The following AADAT variants were observed in gnomAD, a reference collection of about 807,000 sequenced individuals.
The protein encoded by AADAT is aminoadipate aminotransferase, also known as kynurenine/alpha-aminoadipate aminotransferase, mitochondrial.
Under a neutral mutation model 56.2 loss-of-function variants are expected in AADAT, and 25 were observed. That is an observed-to-expected ratio of 0.44 (90% CI 0.32 to 0.62). AADAT has a LOEUF of 0.62. Among genes scored for constraint, AADAT ranks in the 20% least tolerant of loss-of-function variants. The pLI, the probability that AADAT is intolerant of heterozygous loss-of-function variation, is 0.04. For missense variants in AADAT, 387 were observed against 510.5 expected (o/e 0.76, Z 2.33); for synonymous variants, 173 against 164.7 (o/e 1.05, Z -0.39).
At chr4:170,093,836 A>T (rs1049110144), upstream of AADAT, among the ~76,000 whole-genome samples, 1 of 152,218 alleles carries the variant, frequency 6.6e-6, no homozygotes, top group African/African-American at 2.4e-5. Flanking sequence ...GGCTTCAAGT[A>T]GTCCTCCCAC....
chr4:170,069,216 T>C lies in AADAT; in HGVS notation c.735A>G (p.Thr245=). ...FLQFNKFRVP[T]FLSMDVDGRV... ...GTCCATCAACATCCATGGAAAGAAA[T>C]GTTGGTACCCTGAACTTAAAATGAA... The change falls in exon 7 of 13, where the codon ACA becomes ACG. Residue 245 remains threonine, a synonymous_variant. Transcript: ENST00000337664. The C allele has an allele frequency of 6.2e-7, 1 of 1,613,846 alleles. No individual in the cohort carries two copies. The highest frequency in any genetic ancestry group is 1.1e-5 in the South Asian group (1 of 91,038).
intron 8 of AADAT, 34 bp downstream of exon 8, chr4:170,068,557 C>CAA (rs3214945): frequency 0.091 from 120,290 of 1,327,942 alleles, 1,968 homozygotes; most frequent in Non-Finnish European, 0.1. Flanking sequence ...AATCTGATTA[C>CAA]AAAAAAAAAA....
Position 170,089,908 on chromosome 4 carries a change from T to C in AADAT, c.-218A>G. 1 of 515,918 alleles carries C rather than the reference T, an allele frequency of 1.9e-6. No individual in the cohort carries two copies. Among genetic ancestry groups the C allele is most frequent in the Non-Finnish European group, 3.4e-6 (1 of 292,244 alleles). The allele number at this position is 515,918 out of a possible 1,614,324, so 32.0% of individuals were successfully genotyped here. On this transcript the variant is annotated 5_prime_UTR_variant, in exon 1 of 13. Coordinates refer to ENST00000337664, the MANE Select transcript of AADAT (RefSeq NM_016228.4). The stretch of plus-strand genomic sequence containing the variant: ...GTTCGGTCTCCCGGTCCTAAACGGG[T>C]CTGGGGCTGTGTGGCGAGCCCGGCA...
At chr4:170,063,878 A>C (rs981188721) in intron 11 of AADAT, among the ~76,000 whole-genome samples, 1 of 152,232 alleles carries the variant, frequency 6.6e-6, no homozygotes, top group East Asian at 1.9e-4. Context: ...AAAGCTACAC[A>C]GAAAAATATT....
At chr4:170,076,641 A>C (rs1157162610) in intron 4 of AADAT, among the ~76,000 whole-genome samples, 1 of 152,166 alleles carries the variant, frequency 6.6e-6, no homozygotes, top group Admixed American at 6.5e-5. Context: ...ATATATTATG[A>C]TAAATATTTT....
In AADAT at chr4:170,073,130, C is replaced by T. The variant is rs776496234; in HGVS notation, c.654+6G>A. 31 of 1,613,430 alleles carry T rather than the reference C, an allele frequency of 1.9e-5. No individual in the cohort carries two copies. The highest frequency in any genetic ancestry group is 2.6e-5 in the Non-Finnish European group (31 of 1,179,682). The stretch of plus-strand genomic sequence containing the variant: ...ACAACTACTTTAACCCATTCTTCTA[C>T]AATACCTCATAGATTTCCTTTTTGC... On this transcript the variant is annotated splice_donor_region_variant and intron_variant, in intron 5 of 12. Coordinates refer to ENST00000337664, the MANE Select transcript of AADAT (RefSeq NM_016228.4).
chr4:170,067,377 T>G lies in AADAT; in HGVS notation c.912A>C (p.Ser304=). 1.2e-6 allele frequency: 2 copies of G among 1,613,374 alleles called. No individual in the cohort carries two copies. The highest frequency in any genetic ancestry group is 1.7e-6 in the Non-Finnish European group (2 of 1,179,552). ...CTTCTCCCCATTCGTGTAGAAGCTGTGATATCATGAGCTAAAAGAGATAAA... is the reference window on the plus strand; with the variant it reads ...CTTCTCCCCATTCGTGTAGAAGCTGGGATATCATGAGCTAAAAGAGATAAA... The part of the protein sequence containing the change: ...HPSTFNQLMI[S]QLLHEWGEEG... The change falls in exon 9 of 13, where the codon TCA becomes TCC. Residue 304 remains serine (S), a synonymous_variant. Coordinates refer to ENST00000337664, the MANE Select transcript of AADAT (RefSeq NM_016228.4).
At chr4:170,081,547 T>C (rs777027100) in intron 3 of AADAT, among the ~76,000 whole-genome samples, 4 of 152,034 alleles carry the variant, frequency 2.6e-5, no homozygotes, top group Non-Finnish European at 4.4e-5. Context: ...AGAGAAGATA[T>C]GAGAAGCAAC....
At chr4:170,065,182 AGGATTCTTCCATTATTTGT>A (rs1451131451) in intron 10 of AADAT, among the ~76,000 whole-genome samples, 4 of 152,238 alleles carry the variant, frequency 2.6e-5, no homozygotes, top group Admixed American at 6.5e-5. Flanking sequence ...AATTTAGAAG[AGGATTCTTCCATTATTTGT>A]GGATTCTTCC....
chr4:170,087,538 C>A (rs76670717), intron 2 of AADAT, among the ~76,000 whole-genome samples: 10,227 of 152,170 alleles, frequency 0.067, 474 homozygotes, highest in Non-Finnish European at 0.1. Context: ...AAGTCTTTAG[C>A]GCATGCGTTG....
chr4:170,061,099 T>A, intron 12 of AADAT, 130 bp from the exon 13 acceptor site: 1 of 549,848 alleles, frequency 1.8e-6, no homozygotes, highest in Non-Finnish European at 3.0e-6. Flanking sequence ...AAGTCAAGTT[T>A]AACATCAACT....
intron 3 of AADAT, among the ~76,000 whole-genome samples, chr4:170,084,823 G>T (rs927040404): frequency 6.6e-6 from 1 of 152,190 alleles, no homozygotes; most frequent in East Asian, 1.9e-4. Context: ...AGGACCAAAG[G>T]AATCACTTGG....
chr4:170,066,389 G>A (rs774697043), intron 10 of AADAT, 25 bp downstream of exon 10: 13 of 1,601,208 alleles, frequency 8.1e-6, no homozygotes, highest in Non-Finnish European at 1.0e-5. Context: ...TGTTTATCAT[G>A]AGGACGAATA....
At chr4:170,092,844 C>T (rs907833215), upstream of AADAT, among the ~76,000 whole-genome samples, 1 of 152,224 alleles carries the variant, frequency 6.6e-6, no homozygotes, top group Non-Finnish European at 1.5e-5. Flanking sequence ...TTAAGCAAAC[C>T]TTAAGGCCTC....
In AADAT at chr4:170,080,593, C is replaced by T. The variant is rs537085561; in HGVS notation, c.370-2010G>A. ...ATGCCAAAACAGAGTGACTGTTCAG[C>T]AGCACCACACTGCAGGAGGAATGTT... On this transcript the variant is annotated intron_variant, in intron 3 of 12. Coordinates refer to ENST00000337664, the MANE Select transcript of AADAT (RefSeq NM_016228.4). Among the ~76,000 whole-genome samples, 103 of 152,318 alleles carry T rather than the reference C, an allele frequency of 6.8e-4. 2 individuals carry two copies. In the South Asian group the frequency reaches 0.021, roughly 31 times the overall value.
chr4:170,092,599 T>C (rs1732900787), upstream of AADAT, among the ~76,000 whole-genome samples: 1 of 152,202 alleles, frequency 6.6e-6, no homozygotes, highest in African/African-American at 2.4e-5. Flanking sequence ...GTAAACCTGT[T>C]AGAAACCCAC....
rs1025007325 is a variant in AADAT at position 170,089,786 on chromosome 4, C to T, written c.-96G>A. 3 of 1,263,416 alleles carry T rather than the reference C, an allele frequency of 2.4e-6. No individual in the cohort carries two copies. The highest frequency in any genetic ancestry group is 3.4e-6 in the Non-Finnish European group (3 of 888,474). The allele number at this position is 1,263,416 out of a possible 1,614,324, so 78.3% of individuals were successfully genotyped here. ...AAGTCCTGCCTGCTAACTCCTCACT[C>T]TGGCAACGCCACCGCGAGATGTGTC... On this transcript the variant is annotated 5_prime_UTR_variant, in exon 1 of 13. Transcript: ENST00000337664.
At chr4:170,072,231 G>A (rs1295033252) in intron 5 of AADAT, among the ~76,000 whole-genome samples, 1 of 151,128 alleles carries the variant, frequency 6.6e-6, no homozygotes, top group East Asian at 2.0e-4. Flanking sequence ...GTATGTGTGT[G>A]TGTGTATACG....
chr4:170,063,504 A>T (rs1731298489), intron 11 of AADAT, among the ~76,000 whole-genome samples: 1 of 152,244 alleles, frequency 6.6e-6, no homozygotes, highest in African/African-American at 2.4e-5. Flanking sequence ...ACTACAATGC[A>T]TTTATTTGAA....
Sources: allele counts gnomAD v4.1 joint callset (sites outside exome capture counted in the v4.1 genomes callset), GRCh38; gene constraint gnomAD v4.1.1; transcripts MANE v1.5; gene names NCBI Gene and HGNC (gene_info 2026-07-23, HGNC 2026-07-21).